Variants in DPYS observed in about 807,000 individuals in gnomAD.
DPYS encodes dihydropyrimidine amidohydrolase.
Under a neutral mutation model 50.3 loss-of-function variants are expected in DPYS, and 39 were observed. That is an observed-to-expected ratio of 0.78 (90% CI 0.60 to 1.01). DPYS has a LOEUF of 1.01. DPYS is among the 50% of genes least tolerant of loss of function. The pLI is 0.00. For missense variants in DPYS, 659 were observed against 680.9 expected (o/e 0.97, Z 0.36); for synonymous variants, 245 against 250.7 (o/e 0.98, Z 0.22).
intron 6 of DPYS, among the ~76,000 whole-genome samples, chr8:104,425,747 G>C (rs569913716): frequency 1.3e-5 from 2 of 152,170 alleles, no homozygotes; most frequent in Non-Finnish European, 2.9e-5. Context: ...AGAATTCAGA[G>C]GGGTGTGGCT....
chr8:104,401,663 A>G (rs1280977819), intron 7 of DPYS, among the ~76,000 whole-genome samples: 1 of 152,230 alleles, frequency 6.6e-6, no homozygotes, highest in Non-Finnish European at 1.5e-5. Context: ...TCCTTAAGCC[A>G]AAATTGACCA....
At chr8:104,464,245 C>G (rs913562405) in intron 1 of DPYS, among the ~76,000 whole-genome samples, 22 of 152,130 alleles carry the variant, frequency 1.4e-4, no homozygotes, top group African/African-American at 5.1e-4. Flanking sequence ...CCATAAGGAC[C>G]TACATTCTCA....
chr8:104,439,436 A>T (rs766968575), intron 4 of DPYS, among the ~76,000 whole-genome samples: 1 of 152,238 alleles, frequency 6.6e-6, no homozygotes, highest in Non-Finnish European at 1.5e-5. Context: ...CTTAAATAAA[A>T]AATGTAAATG....
At chr8:104,394,165 T>A (rs893807563) in intron 7 of DPYS, among the ~76,000 whole-genome samples, 3 of 152,204 alleles carry the variant, frequency 2.0e-5, no homozygotes, top group Non-Finnish European at 4.4e-5. Context: ...ATAAATTTTT[T>A]AAAAATCGTC....
intron 1 of DPYS, among the ~76,000 whole-genome samples, chr8:104,452,584 G>C (rs541546083): frequency 1.3e-5 from 2 of 152,204 alleles, no homozygotes; most frequent in African/African-American, 4.8e-5. Flanking sequence ...GGCCATGCCT[G>C]TAATCTCAGC....
chr8:104,390,434 G>T (rs1811350656), intron 8 of DPYS, among the ~76,000 whole-genome samples: 1 of 151,944 alleles, frequency 6.6e-6, no homozygotes, highest in East Asian at 1.9e-4. Context: ...TCCTGGCTCT[G>T]CCATACACTT....
Position 104,427,966 on chromosome 8 carries a change from C to A in DPYS, c.1092+14G>T, listed in dbSNP as rs1010951156. ...AGAACTAGGCAAAGCAAGGCTGGAA[C>A]CTGTGAAACCCACCACGCCTTTTTC... On this transcript the variant is annotated intron_variant, in intron 6 of 9. Coordinates refer to ENST00000351513, the MANE Select transcript of DPYS (RefSeq NM_001385.3). The A allele has an allele frequency of 3.7e-6, 6 of 1,613,788 alleles. No individual in the cohort carries two copies. Among genetic ancestry groups the A allele is most frequent in the African/African-American group, 1.3e-5 (1 of 74,902 alleles).
chr8:104,382,676 T>C (rs1233265511), intron 8 of DPYS, among the ~76,000 whole-genome samples: 1 of 151,816 alleles, frequency 6.6e-6, no homozygotes, highest in Non-Finnish European at 1.5e-5. Flanking sequence ...CTAAACATAA[T>C]TAACGTAAGT....
chr8:104,386,776 C>A (rs554504537), intron 8 of DPYS, among the ~76,000 whole-genome samples: 1 of 151,990 alleles, frequency 6.6e-6, no homozygotes, highest in East Asian at 2.0e-4. Flanking sequence ...TATAGACATG[C>A]ACTACCACTC....
At chr8:104,434,435 A>G (rs1813058816) in intron 4 of DPYS, among the ~76,000 whole-genome samples, 1 of 152,216 alleles carries the variant, frequency 6.6e-6, no homozygotes, top group Admixed American at 6.5e-5. Flanking sequence ...GGCCTGAAAC[A>G]GATTTTCGGG....
intron 8 of DPYS, 33 bp from the exon 9 acceptor site, chr8:104,381,347 T>C (rs1040107519): frequency 1.9e-6 from 3 of 1,598,908 alleles, no homozygotes; most frequent in African/African-American, 1.3e-5. Flanking sequence ...TCTCTTGTGG[T>C]TTATTTTCTT....
chr8:104,459,454 G>T (rs1025928982), intron 1 of DPYS, among the ~76,000 whole-genome samples: 5 of 152,134 alleles, frequency 3.3e-5, no homozygotes, highest in African/African-American at 9.7e-5. Context: ...CTCTGCACCA[G>T]CCACAATGCC....
At chr8:104,435,867 A>G (rs1008816056) in intron 4 of DPYS, among the ~76,000 whole-genome samples, 1 of 152,050 alleles carries the variant, frequency 6.6e-6, no homozygotes, top group Non-Finnish European at 1.5e-5. Context: ...GTTTTGGTAG[A>G]TTTTAGGAAT....
chr8:104,446,643 C>T (rs1033717584), intron 3 of DPYS, among the ~76,000 whole-genome samples: 3 of 151,912 alleles, frequency 2.0e-5, no homozygotes, highest in Non-Finnish European at 4.4e-5. Context: ...GTTTTTACAG[C>T]TCACGCTCCC....
At position 104,451,413 on chromosome 8, in the gene DPYS, A is replaced by G; in HGVS notation, c.265-9T>C. ...CCTCCTGAGAGAGCAGCCTGGAATC[A>G]TAAGAGGTTTTCAACAAATTAGCTA... is the stretch of plus-strand genomic sequence containing the variant. On this transcript the variant is annotated splice_polypyrimidine_tract_variant and intron_variant, in intron 1 of 9. Coordinates refer to ENST00000351513, the MANE Select transcript of DPYS (RefSeq NM_001385.3). 2.5e-6 allele frequency: 4 copies of G among 1,614,082 alleles called. No individual in the cohort carries two copies. The highest frequency in any genetic ancestry group is 3.4e-6 in the Non-Finnish European group (4 of 1,179,986).
At position 104,383,911 on chromosome 8, in the gene DPYS, CTTT is replaced by C. The variant is rs148210829; in HGVS notation, c.1444-2600_1444-2598del. On this transcript the variant is annotated intron_variant, in intron 8 of 9. Coordinates refer to ENST00000351513, the MANE Select transcript of DPYS (RefSeq NM_001385.3). ...GCCACTGAGCCTGGCCTGGGCTGTA[CTTT>C]TTCTGTGGCTGGCTGTCTACAAACT... 2.3e-3 allele frequency among the ~76,000 whole-genome samples: 353 copies of C among 152,260 alleles called. 2 individuals are homozygous for C. The highest frequency in any genetic ancestry group is 8.2e-3 in the African/African-American group (341 of 41,568).
intron 7 of DPYS, among the ~76,000 whole-genome samples, chr8:104,393,520 T>C (rs1811471642): frequency 6.6e-6 from 1 of 152,218 alleles, no homozygotes; most frequent in Non-Finnish European, 1.5e-5. Flanking sequence ...AGGAAAAGTA[T>C]GTATGGAATT....
chr8:104,394,616 G>C (rs1366038112), intron 7 of DPYS, among the ~76,000 whole-genome samples: 2 of 151,542 alleles, frequency 1.3e-5, no homozygotes, highest in African/African-American at 4.9e-5. Flanking sequence ...TTACCCTCCT[G>C]CATTCCTTAC....
Position 104,399,801 on chromosome 8 carries a change from G to A in DPYS, c.1236-6810C>T, listed in dbSNP as rs1043516491. 7.2e-5 allele frequency among the ~76,000 whole-genome samples: 10 copies of A among 139,694 alleles called. No individual in the cohort carries two copies. The East Asian group carries it at 1.6e-3, about 23-fold the overall frequency. 91.6% of individuals were successfully genotyped at this position (139,694 alleles called of 152,430 possible). On this transcript the variant is annotated intron_variant, in intron 7 of 9. Coordinates refer to ENST00000351513, the MANE Select transcript of DPYS (RefSeq NM_001385.3). ...GGAGAATGGCGTGAACCTGGGAGGC[G>A]GAGCTTGCAGTGAGCCGAGATCGCA...
Sources: gnomAD v4.1 joint callset for allele counts (sites outside exome capture counted in the v4.1 genomes callset) on GRCh38, gnomAD v4.1.1 for gene constraint, MANE v1.5 for transcripts, NCBI Gene and HGNC (gene_info 2026-07-23, HGNC 2026-07-21) for gene names.